The following IL6R variants were observed in gnomAD, a reference collection of about 807,000 sequenced individuals.
IL6R encodes the protein interleukin 6 receptor.
In IL6R, 38 loss-of-function variants were observed where a neutral mutation model predicts 48.3. That is an observed-to-expected ratio of 0.79 (90% CI 0.61 to 1.03). The LOEUF is 1.03. Among genes scored for constraint, IL6R ranks in the 50% least tolerant of loss-of-function variants. The pLI is 0.00. For synonymous variants in IL6R, 264 were observed against 256.2 expected (o/e 1.03, Z -0.29); for missense variants, 534 against 618.3 (o/e 0.86, Z 1.45).
chr1:154,405,726 G>A lies in IL6R; in HGVS notation c.85+12G>A. The A allele has an allele frequency of 6.8e-7, 1 of 1,476,210 alleles. No individual in the cohort carries two copies. The highest frequency in any genetic ancestry group is 8.9e-7 in the Non-Finnish European group (1 of 1,123,042). The allele number at this position is 1,476,210 out of a possible 1,614,324, so 91.4% of individuals were successfully genotyped here. A position where few individuals can be genotyped will look rare whatever the true frequency, so the allele number is the denominator to read the frequency against. ...CTGCCCTGCGCAGGGTAAGGGCTTC[G>A]GGCGCACCTGGAGGGCTGGGGCAGC... On this transcript the variant is annotated intron_variant, in intron 1 of 9. Coordinates refer to ENST00000368485, the MANE Select transcript of IL6R (RefSeq NM_000565.4). The surrounding 1 kb of genome is among the most constrained non-coding windows in gnomAD (Gnocchi z 5.2).
intron 9 of IL6R, 149 bp from the exon 10 acceptor site, chr1:154,464,983 CAA>C: frequency 1.2e-6 from 1 of 848,342 alleles, no homozygotes; most frequent in Admixed American, 2.2e-5. Flanking sequence ...GAACAAAAAA[CAA>C]AAAGACAGCT....
At chr1:154,425,677 G>T (rs115907017) in intron 1 of IL6R, among the ~76,000 whole-genome samples, 1 of 151,810 alleles carries the variant, frequency 6.6e-6, no homozygotes, top group African/African-American at 2.4e-5. Flanking sequence ...GGGAAGCTGC[G>T]GTGGGAGGAT....
chr1:154,446,160 C>T (rs534258005), intron 6 of IL6R, among the ~76,000 whole-genome samples: 1 of 152,154 alleles, frequency 6.6e-6, no homozygotes, highest in South Asian at 2.1e-4. Flanking sequence ...TAACTGTCCT[C>T]TGCTGGGCTG....
intron 8 of IL6R, chr1:154,454,108 T>G: frequency 1.3e-5 from 3 of 234,934 alleles, no homozygotes; most frequent in South Asian, 6.4e-5. Flanking sequence ...AGCCTTCCGT[T>G]TGTTGTACCC....
At position 154,429,249 on chromosome 1, in the gene IL6R, T is replaced by G; in HGVS notation, c.139T>G (p.Cys47Gly). 6.2e-7 allele frequency: 1 copy of G among 1,614,110 alleles called. No homozygotes were observed. Among genetic ancestry groups the G allele is most frequent in the Non-Finnish European group, 8.5e-7 (1 of 1,179,984 alleles). The change falls in exon 2 of 10, where the codon TGC becomes GGC. Residue 47 changes from cysteine (C) to glycine (G), a missense_variant. Coordinates refer to ENST00000368485, the MANE Select transcript of IL6R (RefSeq NM_000565.4). ...GCCAGGAGACAGCGTGACTCTGACC[T>G]GCCCGGGGGTAGAGCCGGAAGACAA... Reference protein sequence around the residue: ...SLPGDSVTLTCPGVEPEDNAT... With the variant: ...SLPGDSVTLTGPGVEPEDNAT...
At position 154,466,415 on chromosome 1, in the gene IL6R, G is replaced by C. The variant is rs1691555844; in HGVS notation, c.*1035G>C. 6.6e-6 allele frequency: 1 copy of C among 152,168 alleles called. No individual in the cohort carries two copies. The highest frequency in any genetic ancestry group is 6.5e-5 in the Admixed American group (1 of 15,270). 9.4% of individuals were successfully genotyped at this position (152,168 alleles called of 1,614,324 possible). A position where few individuals can be genotyped will look rare whatever the true frequency, so the allele number is the denominator to read the frequency against. ...GCCTGGCAAGAATGTGTTTAAACTT[G>C]GTTTTTAAAAAACTGCTGACTGTTT... is the stretch of plus-strand genomic sequence containing the variant. On this transcript the variant is annotated 3_prime_UTR_variant, in exon 10 of 10. Transcript: ENST00000368485.
chr1:154,447,506 T>TATACACACATAC (rs1690319506), intron 6 of IL6R, among the ~76,000 whole-genome samples: 5 of 67,264 alleles, frequency 7.4e-5, no homozygotes, highest in African/African-American at 3.8e-4. Context: ...CACACACATA[T>TATACACACATAC]ATATATACAC....
At chr1:154,440,911 C>G (rs1689897283) in intron 6 of IL6R, among the ~76,000 whole-genome samples, 1 of 152,200 alleles carries the variant, frequency 6.6e-6, no homozygotes, top group Non-Finnish European at 1.5e-5. Context: ...TCTATGCCTC[C>G]CAAAGTACTG....
At chr1:154,437,679 TGG>T (rs1689709908) in intron 6 of IL6R, 1 of 231,218 alleles carries the variant, frequency 4.3e-6, no homozygotes, top group African/African-American at 2.3e-5. Flanking sequence ...CCCAAAGTGC[TGG>T]GATTACTGGT....
intron 1 of IL6R, among the ~76,000 whole-genome samples, chr1:154,408,811 T>C (rs191648337): frequency 2.0e-4 from 30 of 152,244 alleles, no homozygotes; most frequent in Non-Finnish European, 2.9e-4. Flanking sequence ...ATTGAAGCTG[T>C]GCTCTGTAAT....
rs1691627070 is a variant in IL6R at position 154,467,824 on chromosome 1, T to C, written c.*2444T>C. On this transcript the variant is annotated 3_prime_UTR_variant, in exon 10 of 10. Transcript: ENST00000368485. Reference sequence around the variant, plus strand: ...TCCCACCACATAAAGTTTCTGAGACTTGAGAACAGCAAAATGCTGTTAAAG... The same window carrying C: ...TCCCACCACATAAAGTTTCTGAGACCTGAGAACAGCAAAATGCTGTTAAAG... 1.3e-5 allele frequency: 2 copies of C among 152,168 alleles called. No homozygotes were observed. Among genetic ancestry groups the C allele is most frequent in the South Asian group, 4.1e-4 (2 of 4,834 alleles). 9.4% of individuals were successfully genotyped at this position (152,168 alleles called of 1,614,324 possible). A position where few individuals can be genotyped will look rare whatever the true frequency, so the allele number is the denominator to read the frequency against.
At chr1:154,450,207 C>T (rs1558326137) in intron 8 of IL6R, among the ~76,000 whole-genome samples, 1 of 151,092 alleles carries the variant, frequency 6.6e-6, no homozygotes, top group Non-Finnish European at 1.5e-5. Context: ...CTCACCACAA[C>T]CTCTGTCTCC....
intron 6 of IL6R, among the ~76,000 whole-genome samples, chr1:154,440,971 C>CAGA (rs1689899433): frequency 6.6e-6 from 1 of 152,210 alleles, no homozygotes; most frequent in South Asian, 2.1e-4. Context: ...TTTTCATGTG[C>CAGA]TTCTTGGCCA....
At position 154,414,094 on chromosome 1, in the gene IL6R, C is replaced by T. The variant is rs368017320; in HGVS notation, c.85+8380C>T. On this transcript the variant is annotated intron_variant, in intron 1 of 9. Coordinates refer to ENST00000368485, the MANE Select transcript of IL6R (RefSeq NM_000565.4). ...ACTGGTCTCAAACTCTGGGTTCAAG[C>T]GATCCTCCCTCCTTGGCCTCCCAAA... Among the ~76,000 whole-genome samples, 4 of 151,904 alleles carry T rather than the reference C, an allele frequency of 2.6e-5. No homozygotes were observed. In the East Asian group the frequency reaches 5.8e-4, roughly 22 times the overall value.
chr1:154,405,741 G>A lies in IL6R; in HGVS notation c.85+27G>A. The A allele has an allele frequency of 3.5e-6, 5 of 1,415,390 alleles. No homozygotes were observed. In the South Asian group the frequency reaches 7.2e-5, roughly 21 times the overall value. 87.7% of individuals were successfully genotyped at this position (1,415,390 alleles called of 1,614,324 possible). On this transcript the variant is annotated intron_variant, in intron 1 of 9. Transcript: ENST00000368485. The surrounding 1 kb of genome is among the most constrained non-coding windows in gnomAD (Gnocchi z 5.2). Reference sequence around the variant, plus strand: ...TAAGGGCTTCGGGCGCACCTGGAGGGCTGGGGCAGCTAGCGGCTGGGGGAA... The same window carrying A: ...TAAGGGCTTCGGGCGCACCTGGAGGACTGGGGCAGCTAGCGGCTGGGGGAA...
chr1:154,437,567 CA>C (rs1254414220), intron 6 of IL6R: 1 of 391,258 alleles, frequency 2.6e-6, no homozygotes. Flanking sequence ...GCGTGTGCCA[CA>C]ATGCTAATTT....
At chr1:154,436,174 G>C in intron 6 of IL6R, 64 bp downstream of exon 6, 2 of 1,520,858 alleles carry the variant, frequency 1.3e-6, no homozygotes, top group Non-Finnish European at 1.8e-6. Flanking sequence ...GGTATCCATT[G>C]CTATGTGACA....
intron 1 of IL6R, among the ~76,000 whole-genome samples, chr1:154,426,452 T>C (rs1232947805): frequency 6.7e-6 from 1 of 148,512 alleles, no homozygotes; most frequent in Non-Finnish European, 1.5e-5. Context: ...ACCCAGGAGG[T>C]TGAGGATGCA....
chr1:154,423,260 AATATATATATATAT>A (rs35079361), intron 1 of IL6R, among the ~76,000 whole-genome samples: 1 of 85,476 alleles, frequency 1.2e-5, no homozygotes, highest in Non-Finnish European at 2.6e-5. Flanking sequence ...TGTTTAATTA[AATATATATATATAT>A]ATATATATAT....
Sources: gnomAD v4.1 joint callset for allele counts (sites outside exome capture counted in the v4.1 genomes callset) on GRCh38, gnomAD v4.1.1 for gene constraint, Gnocchi (gnomAD v3.1) non-coding constraint, MANE v1.5 for transcripts, NCBI Gene and HGNC (gene_info 2026-07-23, HGNC 2026-07-21) for gene names.